UTP20: variants seen among roughly 807,000 people sequenced by gnomAD.
UTP20 encodes small subunit processome component 20 homolog.
A neutral mutation model predicts 329.5 loss-of-function variants in UTP20; 164 were observed. The ratio of observed to expected loss-of-function variants is 0.50; its 90% CI spans 0.44 to 0.57. The LOEUF is 0.57. UTP20 is among the 20% of genes least tolerant of loss of function. The pLI is 0.00. For synonymous variants in UTP20, 1,151 were observed against 1,159.3 expected (o/e 0.99, Z 0.14); for missense variants, 3,055 against 3,284.2 (o/e 0.93, Z 1.71).
In UTP20 at chr12:101,338,192, C is replaced by T. The variant is rs1204164786; in HGVS notation, c.3783C>T (p.Asn1261=). ...IVMDIVDDLL[N]LPDFEPTETV... Reference sequence around the variant, plus strand: ...TGGACATAGTTGATGACCTTCTTAACCTTCCAGATTTCGAGCCTACAGAAA... The same window carrying T: ...TGGACATAGTTGATGACCTTCTTAATCTTCCAGATTTCGAGCCTACAGAAA... The change falls in exon 30 of 62, where the codon AAC becomes AAT. Residue 1261 remains asparagine, a synonymous_variant. Coordinates refer to ENST00000261637, the MANE Select transcript of UTP20 (RefSeq NM_014503.3). The T allele has an allele frequency of 1.2e-6, 2 of 1,614,138 alleles. No individual in the cohort carries two copies. The highest frequency in any genetic ancestry group is 4.5e-5 in the East Asian group (2 of 44,870).
At position 101,342,540 on chromosome 12, in the gene UTP20, C is replaced by T; in HGVS notation, c.4196C>T (p.Ser1399Leu). Reference protein sequence around the residue: ...SFLKPIAKLFSVIKNKLSRKL... With the variant: ...SFLKPIAKLFLVIKNKLSRKL... ...CTCAAGCCTATAGCAAAACTTTTCT[C>T]AGTTATTAAGAACAAATTGTCAAGA... Residue 1399 changes from serine to leucine, a missense_variant, in exon 33 of 62, where the codon TCA (serine) becomes TTA (leucine). This residue lies in a region of UTP20 where 2,445 missense variants were observed against 2,575.5 expected (regional missense o/e 0.95). Transcript: ENST00000261637. The T allele has an allele frequency of 1.9e-6, 3 of 1,613,706 alleles. No homozygotes were observed. Among genetic ancestry groups the T allele is most frequent in the East Asian group, 2.2e-5 (1 of 44,856 alleles).
At chr12:101,334,831 T>C (rs1234925106) in intron 29 of UTP20, among the ~76,000 whole-genome samples, 2 of 152,082 alleles carry the variant, frequency 1.3e-5, no homozygotes, top group Admixed American at 6.6e-5. Context: ...AAAAATTGGC[T>C]GGGCATGTGG....
At chr12:101,378,780 G>A (rs1224890296) in intron 56 of UTP20, among the ~76,000 whole-genome samples, 1 of 151,942 alleles carries the variant, frequency 6.6e-6, no homozygotes, top group African/African-American at 2.4e-5. Flanking sequence ...CCTTGAATCT[G>A]AAACTAGTTC....
At position 101,311,643 on chromosome 12, in the gene UTP20, CTTTT is replaced by C. The variant is rs555196517; in HGVS notation, c.2232-67_2232-64del. On this transcript the variant is annotated intron_variant, in intron 19 of 61. Transcript: ENST00000261637. ...GACATTTTAGTTATATCCTTTCACTCTTTTTTTTTTTTCTATGAGCAATCTTAAA... is the reference window on the plus strand; with the variant it reads ...GACATTTTAGTTATATCCTTTCACTCTTTTTTTTCTATGAGCAATCTTAAA... The C allele has an allele frequency of 7.8e-6, 8 of 1,019,770 alleles. No individual in the cohort carries two copies. The African/African-American group carries it at 1.5e-4, about 19-fold the overall frequency. The allele number at this position is 1,019,770 out of a possible 1,614,324, so 63.2% of individuals were successfully genotyped here.
At position 101,285,742 on chromosome 12, in the gene UTP20, C is replaced by A. The variant is rs199855665; in HGVS notation, c.194-7C>A. 8 of 1,610,002 alleles carry A rather than the reference C, an allele frequency of 5.0e-6. No individual in the cohort carries two copies. Among genetic ancestry groups the A allele is most frequent in the Non-Finnish European group, 3.4e-6 (4 of 1,178,788 alleles). On this transcript the variant is annotated splice_polypyrimidine_tract_variant and splice_region_variant and intron_variant, in intron 3 of 61. Transcript: ENST00000261637. ...GAAAAGAACATATTTTTTTTTCCCC[C>A]ACTCAGGAAAATTTTACAAAGAAGT...
At chr12:101,366,412 G>A (rs1292553954) in intron 46 of UTP20, 146 bp from the exon 47 acceptor site, 11 of 856,522 alleles carry the variant, frequency 1.3e-5, no homozygotes, top group South Asian at 8.8e-5. Flanking sequence ...GTATCTCATG[G>A]TTTGGGGGTT....
At chr12:101,293,109 G>T in intron 10 of UTP20, 59 bp from the exon 11 acceptor site, 2 of 1,532,838 alleles carry the variant, frequency 1.3e-6, no homozygotes, top group South Asian at 1.1e-5. Context: ...CTGCTTGCTG[G>T]GGGGATGGGG....
chr12:101,320,520 C>T (rs1873115121), intron 23 of UTP20, among the ~76,000 whole-genome samples: 1 of 151,592 alleles, frequency 6.6e-6, no homozygotes, highest in Admixed American at 6.6e-5. Context: ...CGTATCACTG[C>T]ACTCCAGCCT....
Position 101,308,339 on chromosome 12 carries a change from A to G in UTP20, c.2150A>G (p.Gln717Arg). The change falls in exon 18 of 62, where the codon CAG becomes CGG. Residue 717 changes from glutamine (Q) to arginine (R), a missense_variant. This residue lies in a region of UTP20 where 2,445 missense variants were observed against 2,575.5 expected (regional missense o/e 0.95). Coordinates refer to ENST00000261637, the MANE Select transcript of UTP20 (RefSeq NM_014503.3). ...ACTGCTGTCCCTGATGGGCCGTTAC[A>G]GGAGGTAAAAATAGTGTTCTTTTAT... ...VQTAVPDGPL[Q>R]EVPLRYLLGM... is the part of the protein sequence containing the mutation. 1 of 1,507,134 alleles carries G rather than the reference A, an allele frequency of 6.6e-7. No individual in the cohort carries two copies. Among genetic ancestry groups the G allele is most frequent in the South Asian group, 1.4e-5 (1 of 70,816 alleles). The allele number at this position is 1,507,134 out of a possible 1,614,324, so 93.4% of individuals were successfully genotyped here.
chr12:101,355,631 A>G (rs1193874314), intron 41 of UTP20, among the ~76,000 whole-genome samples: 3 of 152,158 alleles, frequency 2.0e-5, no homozygotes, highest in Non-Finnish European at 4.4e-5. Flanking sequence ...CCACTTGTTT[A>G]CGTAGTGTTT....
intron 21 of UTP20, among the ~76,000 whole-genome samples, 154 bp from the exon 22 acceptor site, chr12:101,317,324 A>G (rs577582943): frequency 6.6e-6 from 1 of 152,336 alleles, no homozygotes; most frequent in South Asian, 2.1e-4. Flanking sequence ...CCAAGTTAGG[A>G]AAGAGTAATA....
intron 53 of UTP20, 38 bp downstream of exon 53, chr12:101,373,508 A>C: frequency 1.2e-6 from 2 of 1,613,858 alleles, no homozygotes; most frequent in Non-Finnish European, 1.7e-6. Flanking sequence ...TGACTCCTGG[A>C]AGTCCTCAGT....
At position 101,342,941 on chromosome 12, in the gene UTP20, C is replaced by G. The variant is rs1362442754; in HGVS notation, c.4297C>G (p.Leu1433Val). The change falls in exon 35 of 62, where the codon CTT (leucine) becomes GTT (valine). Residue 1433 changes from leucine to valine, a missense_variant and splice_region_variant. By Grantham distance (32) the Leu-to-Val change is conservative. Coordinates refer to ENST00000261637, the MANE Select transcript of UTP20 (RefSeq NM_014503.3). ...GLKYITDVVKLNAFDQRHLDD... is the reference protein window; with the variant it reads ...GLKYITDVVKVNAFDQRHLDD... The stretch of plus-strand genomic sequence containing the variant: ...ATAACTTCAATGGCATTTCTTATAG[C>G]TTAACGCCTTCGATCAAAGACATCT... 6.2e-7 allele frequency: 1 copy of G among 1,612,860 alleles called. No homozygotes were observed. The highest frequency in any genetic ancestry group is 1.1e-5 in the South Asian group (1 of 90,482).
In UTP20 at chr12:101,354,818, T is replaced by C. The variant is rs1565802553; in HGVS notation, c.5108-14T>C. On this transcript the variant is annotated splice_polypyrimidine_tract_variant and intron_variant, in intron 40 of 61. Transcript: ENST00000261637. ...ATTTGCTTTAAGGTGACTTTTGTTGTTTATTAAACATAGACGCAATTGAAG... is the reference window on the plus strand; with the variant it reads ...ATTTGCTTTAAGGTGACTTTTGTTGCTTATTAAACATAGACGCAATTGAAG... The C allele has an allele frequency of 1.9e-6, 3 of 1,604,284 alleles. No homozygotes were observed. Among genetic ancestry groups the C allele is most frequent in the East Asian group, 2.2e-5 (1 of 44,752 alleles).
intron 23 of UTP20, 61 bp downstream of exon 23, chr12:101,319,696 T>A: frequency 7.1e-7 from 1 of 1,399,376 alleles, no homozygotes. Flanking sequence ...TCATTTTCTT[T>A]GTCAGAGTAG....
chr12:101,315,362 T>C (rs1593429480), intron 21 of UTP20, among the ~76,000 whole-genome samples: 1 of 151,704 alleles, frequency 6.6e-6, no homozygotes. Flanking sequence ...CATGCACCTG[T>C]AGTCCCAGCT....
chr12:101,373,459 A>G lies in UTP20; in HGVS notation c.6937A>G (p.Thr2313Ala). 6.2e-7 allele frequency: 1 copy of G among 1,614,154 alleles called. No individual in the cohort carries two copies. Among genetic ancestry groups the G allele is most frequent in the Non-Finnish European group, 8.5e-7 (1 of 1,180,024 alleles). ...GGAAATGATCGCCTATCTCTTTGACACGTTCCCTCAGGTACTGTGACCCCA... is the reference window on the plus strand; with the variant it reads ...GGAAATGATCGCCTATCTCTTTGACGCGTTCCCTCAGGTACTGTGACCCCA... ...TLEMIAYLFDTFPQGLLHENC... is the reference protein window; with the variant it reads ...TLEMIAYLFDAFPQGLLHENC... The change falls in exon 53 of 62, where the codon ACG becomes GCG. Residue 2313 changes from threonine to alanine, a missense_variant. Thr to Ala is a moderately conservative substitution (Grantham distance 58). This residue lies in a region of UTP20 where 273 missense variants were observed against 363.1 expected (regional missense o/e 0.75). Transcript: ENST00000261637.
intron 15 of UTP20, among the ~76,000 whole-genome samples, chr12:101,302,772 C>T (rs1234019863): frequency 6.6e-6 from 1 of 152,184 alleles, no homozygotes; most frequent in Non-Finnish European, 1.5e-5. Context: ...TGTTTTATTG[C>T]GTGTGTAGAT....
intron 40 of UTP20, among the ~76,000 whole-genome samples, chr12:101,354,425 T>TC (rs1869646628): frequency 6.6e-6 from 1 of 152,030 alleles, no homozygotes; most frequent in African/African-American, 2.4e-5. Context: ...AAAGAGGAAT[T>TC]CCCACTAACT....
Sources: allele counts gnomAD v4.1 joint callset (sites outside exome capture counted in the v4.1 genomes callset), GRCh38; gene constraint gnomAD v4.1.1; regional missense constraint gnomAD v4.1.1; transcripts MANE v1.5; gene names NCBI Gene and HGNC (gene_info 2026-07-23, HGNC 2026-07-21).